Variants in TNFRSF19 observed in about 807,000 individuals in gnomAD.
TNFRSF19 encodes TNF receptor superfamily member 19.
Under a neutral mutation model 46.4 loss-of-function variants are expected in TNFRSF19, and 27 were observed. The ratio of observed to expected loss-of-function variants is 0.58; its 90% CI spans 0.43 to 0.80. The LOEUF (loss-of-function observed/expected upper bound fraction) is 0.80. Ranked by LOEUF, TNFRSF19 falls within the 30% of genes least tolerant of loss-of-function variation. The pLI is 0.00. For synonymous variants in TNFRSF19, 204 were observed against 205.0 expected, an observed-to-expected ratio of 1.00 and a Z score of 0.04; for missense variants, 511 against 530.8, an observed-to-expected ratio of 0.96 and a Z score of 0.37.
At chr13:23,652,553 A>G (rs1368133984) in intron 5 of TNFRSF19, among the ~76,000 whole-genome samples, 2 of 152,234 alleles carry the variant, frequency 1.3e-5, no homozygotes, top group South Asian at 2.1e-4. Context: ...GATGTGGTCA[A>G]TGGTCTACAT....
chr13:23,625,922 T>A (rs567118483), intron 4 of TNFRSF19, among the ~76,000 whole-genome samples: 63 of 152,314 alleles, frequency 4.1e-4, no homozygotes, highest in Middle Eastern at 3.4e-3. Flanking sequence ...TTAAATTTTT[T>A]AAAAAAATTT....
At position 23,582,243 on chromosome 13, in the gene TNFRSF19, A is replaced by G. The variant is rs1878499309; in HGVS notation, c.-34-7907A>G. Among the ~76,000 whole-genome samples, 3 of 108,804 alleles carry G rather than the reference A, an allele frequency of 2.8e-5. No individual in the cohort carries two copies. The South Asian group carries it at 9.3e-4, about 34-fold the overall frequency. 71.4% of individuals were successfully genotyped at this position (108,804 alleles called of 152,430 possible). On this transcript the variant is annotated intron_variant, in intron 1 of 9. Coordinates refer to ENST00000248484, the MANE Select transcript of TNFRSF19 (RefSeq NM_148957.4). ...CAAATACAAAAAAAAAAAAAAAAAAAAAAAAAAATTAGCCGGGCGTGGTGG... is the reference window on the plus strand; with the variant it reads ...CAAATACAAAAAAAAAAAAAAAAAAGAAAAAAAATTAGCCGGGCGTGGTGG...
At chr13:23,581,097 T>C (rs1878378938) in intron 1 of TNFRSF19, among the ~76,000 whole-genome samples, 1 of 152,142 alleles carries the variant, frequency 6.6e-6, no homozygotes. Flanking sequence ...GCACTGGAAA[T>C]TGCAATGTCG....
intron 5 of TNFRSF19, among the ~76,000 whole-genome samples, chr13:23,630,359 G>C (rs933431179): frequency 5.3e-5 from 8 of 151,388 alleles, no homozygotes; most frequent in Non-Finnish European, 1.0e-4. Context: ...GGCTAGACTG[G>C]GAGGCTGAAG....
rs1951698701 is a variant in TNFRSF19, at chr13:23,668,776, G to A, written c.924G>A (p.Trp308Ter). The change falls in exon 9 of 10, where the codon TGG becomes TGA. Residue 308 changes from tryptophan to a stop codon, truncating the protein, a stop_gained. Coordinates refer to ENST00000248484, the MANE Select transcript of TNFRSF19 (RefSeq NM_148957.4). LOFTEE classifies it high-confidence loss of function. ...TCTGTGGCGAGTTTTCAGATGCCTGGCCTCTGATGCAGAATCCCATGGGTG... is the reference window on the plus strand; with the variant it reads ...TCTGTGGCGAGTTTTCAGATGCCTGACCTCTGATGCAGAATCCCATGGGTG... Reference protein sequence around the residue: ...QSICGEFSDAWPLMQNPMGGD... With the variant: ...QSICGEFSDA 1 of 1,614,226 alleles carries A rather than the reference G, an allele frequency of 6.2e-7. No individual in the cohort carries two copies. The highest frequency in any genetic ancestry group is 1.3e-5 in the African/African-American group (1 of 75,056).
intron 1 of TNFRSF19, chr13:23,585,318 G>A (rs953373426): frequency 6.6e-6 from 1 of 152,150 alleles, no homozygotes; most frequent in Non-Finnish European, 1.5e-5. Context: ...CTGAAAAAAA[G>A]AGTATCCAGA....
chr13:23,616,988 C>T (rs1021137459), intron 4 of TNFRSF19, among the ~76,000 whole-genome samples: 3 of 151,988 alleles, frequency 2.0e-5, no homozygotes, highest in Admixed American at 6.6e-5. Context: ...CAGACAAGGG[C>T]GATTGGGCAT....
At chr13:23,577,267 C>G (rs78841617) in intron 1 of TNFRSF19, among the ~76,000 whole-genome samples, 1 of 152,116 alleles carries the variant, frequency 6.6e-6, no homozygotes, top group Admixed American at 6.6e-5. Context: ...AGTCAAAACA[C>G]GTAAAATGAT....
intron 7 of TNFRSF19, among the ~76,000 whole-genome samples, chr13:23,664,472 A>G (rs559202387): frequency 6.6e-6 from 1 of 152,262 alleles, no homozygotes; most frequent in East Asian, 1.9e-4. Context: ...TCTGCAAATT[A>G]AAACCCTCTA....
At chr13:23,585,402 G>A (rs1355597017) in intron 1 of TNFRSF19, 1 of 152,038 alleles carries the variant, frequency 6.6e-6, no homozygotes, top group Non-Finnish European at 1.5e-5. Flanking sequence ...TCTCAGAAAG[G>A]TTACTGATTA....
At chr13:23,657,720 G>C (rs1884074163) in intron 5 of TNFRSF19, among the ~76,000 whole-genome samples, 1 of 151,868 alleles carries the variant, frequency 6.6e-6, no homozygotes, top group Non-Finnish European at 1.5e-5. Flanking sequence ...TTGAGACAGA[G>C]TCTCGCTCTG....
At chr13:23,666,312 A>G (rs948028136) in intron 7 of TNFRSF19, among the ~76,000 whole-genome samples, 1 of 152,248 alleles carries the variant, frequency 6.6e-6, no homozygotes, top group Admixed American at 6.5e-5. Context: ...TTGTACTGGA[A>G]TCAGTCATTA....
chr13:23,640,503 G>A (rs1333580477), intron 5 of TNFRSF19, among the ~76,000 whole-genome samples: 1 of 152,168 alleles, frequency 6.6e-6, no homozygotes, highest in Non-Finnish European at 1.5e-5. Context: ...GAGAGGGGAG[G>A]CACCAGATGA....
intron 3 of TNFRSF19, among the ~76,000 whole-genome samples, chr13:23,607,249 C>T (rs1006481785): frequency 1.3e-5 from 2 of 152,124 alleles, no homozygotes. Flanking sequence ...GCCTGGCCAA[C>T]ATGGTGAAAC....
chr13:23,584,116 T>C (rs1253222582), intron 1 of TNFRSF19, among the ~76,000 whole-genome samples: 2 of 135,608 alleles, frequency 1.5e-5, no homozygotes, highest in African/African-American at 5.9e-5. Flanking sequence ...GGGGAACAGG[T>C]GGTATTTGGT....
chr13:23,612,662 T>A (rs1478163423), intron 3 of TNFRSF19, among the ~76,000 whole-genome samples: 1 of 152,242 alleles, frequency 6.6e-6, no homozygotes, highest in East Asian at 1.9e-4. Flanking sequence ...ATTACATTTT[T>A]GAAAATAGTA....
At chr13:23,671,269 G>A (rs766830094) in intron 9 of TNFRSF19, among the ~76,000 whole-genome samples, 3 of 152,104 alleles carry the variant, frequency 2.0e-5, no homozygotes, top group Non-Finnish European at 2.9e-5. Flanking sequence ...TATCTAAACT[G>A]AACCTGATGA....
intron 3 of TNFRSF19, among the ~76,000 whole-genome samples, chr13:23,609,667 C>A (rs1378607902): frequency 6.6e-6 from 1 of 152,204 alleles, no homozygotes; most frequent in Non-Finnish European, 1.5e-5. Flanking sequence ...AAAAAATTAA[C>A]TCTTGTAAAC....
At chr13:23,640,045 T>G (rs997652132) in intron 5 of TNFRSF19, among the ~76,000 whole-genome samples, 4 of 152,048 alleles carry the variant, frequency 2.6e-5, no homozygotes, top group African/African-American at 9.7e-5. Flanking sequence ...GACACCTGAC[T>G]AAGACACTGT....
Sources: gnomAD v4.1 joint callset for allele counts (sites outside exome capture counted in the v4.1 genomes callset) on GRCh38, gnomAD v4.1.1 for gene constraint, MANE v1.5 for transcripts, NCBI Gene and HGNC (gene_info 2026-07-23, HGNC 2026-07-21) for gene names.